Variants in CELSR1 observed in about 807,000 individuals in gnomAD.
CELSR1 encodes the protein adhesion G protein-coupled receptor C1.
Under a neutral mutation model 249.1 loss-of-function variants are expected in CELSR1, and 110 were observed. The observed-to-expected ratio is 0.44, with a 90% CI of 0.38 to 0.52. The LOEUF is 0.52. Among genes scored for constraint, CELSR1 ranks in the 20% least tolerant of loss-of-function variants. The pLI, the probability that CELSR1 is intolerant of heterozygous loss-of-function variation, is 0.00. For missense variants in CELSR1, 4,109 were observed against 4,296.4 expected (o/e 0.96, Z 1.22); for synonymous variants, 2,113 against 1,900.0 (o/e 1.11, Z -2.92).
intron 25 of CELSR1, among the ~76,000 whole-genome samples, chr22:46,372,072 A>C: frequency 1.6e-5 from 2 of 122,676 alleles, no homozygotes; most frequent in African/African-American, 3.2e-5. Flanking sequence ...CCCATCCACT[A>C]ATCCCATCCC....
intron 2 of CELSR1, among the ~76,000 whole-genome samples, chr22:46,460,969 C>G (rs762645164): frequency 6.6e-6 from 1 of 152,164 alleles, no homozygotes; most frequent in African/African-American, 2.4e-5. Flanking sequence ...TCTCCTGTCC[C>G]GCAACACAAG....
chr22:46,524,791 A>G (rs915648439), intron 1 of CELSR1, among the ~76,000 whole-genome samples: 4 of 152,130 alleles, frequency 2.6e-5, no homozygotes, highest in African/African-American at 7.2e-5. Flanking sequence ...TTTTCCTGAA[A>G]AATGCCCATC....
intron 24 of CELSR1, among the ~76,000 whole-genome samples, chr22:46,376,826 A>G (rs887604155): frequency 1.3e-5 from 2 of 151,774 alleles, no homozygotes; most frequent in African/African-American, 4.8e-5. Context: ...AAAGAAAGAA[A>G]GAAAGAAAGG....
rs1027267769 is a variant in CELSR1 at position 46,473,175 on chromosome 22, C to T, written c.3545-8830G>A. Among the ~76,000 whole-genome samples the T allele has an allele frequency of 1.3e-5, 2 of 152,088 alleles. No individual in the cohort carries two copies. The highest frequency in any genetic ancestry group is 2.9e-5 in the Non-Finnish European group (2 of 68,026). ...TGTCCGCAGAGGGGTGGACAGGACC[C>T]ACGCACCACGAGGAACCATCGCTGG... On this transcript the variant is annotated intron_variant, in intron 1 of 34. Coordinates refer to ENST00000674500, the MANE Select transcript of CELSR1 (RefSeq NM_001378328.1). This position sits in a 1 kb window ranked among gnomAD's most constrained non-coding sequence, Gnocchi z 6.6.
chr22:46,455,436 G>A (rs559503442), intron 2 of CELSR1, among the ~76,000 whole-genome samples: 44 of 152,206 alleles, frequency 2.9e-4, no homozygotes, highest in African/African-American at 1.0e-3. Flanking sequence ...CACCATGTTG[G>A]TCAGGCTAGT....
chr22:46,456,480 AC>A (rs1259646111), intron 2 of CELSR1, among the ~76,000 whole-genome samples: 52 of 151,930 alleles, frequency 3.4e-4, no homozygotes, highest in Non-Finnish European at 7.5e-4. Flanking sequence ...TAACAAGGTG[AC>A]ACCCCGTCTC....
Position 46,381,557 on chromosome 22 carries a change from C to A in CELSR1, c.7088+289G>T, listed in dbSNP as rs1602050306. On this transcript the variant is annotated intron_variant, in intron 21 of 34. Transcript: ENST00000674500. The surrounding 1 kb of genome is among the most constrained non-coding windows in gnomAD (Gnocchi z 6.0). ...GGTGTGTGGGGACAGAATGGGGTCC[C>A]TCTGGGCACAAGATGGGGTGTATGC... Among the ~76,000 whole-genome samples, 1 of 152,216 alleles carries A rather than the reference C, an allele frequency of 6.6e-6. No individual in the cohort carries two copies. The highest frequency in any genetic ancestry group is 1.9e-4 in the East Asian group (1 of 5,204).
chr22:46,412,041 C>A lies in CELSR1; in HGVS notation c.4612-282G>T, dbSNP rs887936253. Among the ~76,000 whole-genome samples, 1 of 152,120 alleles carries A rather than the reference C, an allele frequency of 6.6e-6. No homozygotes were observed. Among genetic ancestry groups the A allele is most frequent in the African/African-American group, 2.4e-5 (1 of 41,420 alleles). ...ATGCGGACGTCCTGGAGTAGGCGGG[C>A]CCTGATCCAAGATGACTGGTGTCCT... On this transcript the variant is annotated intron_variant, in intron 5 of 34. Transcript: ENST00000674500. The surrounding 1 kb of genome is among the most constrained non-coding windows in gnomAD (Gnocchi z 4.5).
chr22:46,384,362 T>C (rs1009881375), intron 20 of CELSR1, among the ~76,000 whole-genome samples, 181 bp downstream of exon 20: 24 of 152,240 alleles, frequency 1.6e-4, no homozygotes, highest in African/African-American at 5.3e-4. Context: ...ATGTTCAGCC[T>C]GTACCTGAGC....
rs2147690266 is a variant in CELSR1, at chr22:46,488,608, C to T, written c.3545-24263G>A. On this transcript the variant is annotated intron_variant, in intron 1 of 34. Transcript: ENST00000674500. The surrounding 1 kb of genome is among the most constrained non-coding windows in gnomAD (Gnocchi z 4.7). ...CCCCCCGCGCCACAGTGGAAAGTCC[C>T]CAGAAGCAGCAGTTTCTACGGCACA... Among the ~76,000 whole-genome samples the T allele has an allele frequency of 6.6e-6, 1 of 152,166 alleles. No individual in the cohort carries two copies. The highest frequency in any genetic ancestry group is 1.9e-4 in the East Asian group (1 of 5,172).
At chr22:46,432,186 G>T (rs576814134) in intron 5 of CELSR1, among the ~76,000 whole-genome samples, 6 of 152,326 alleles carry the variant, frequency 3.9e-5, no homozygotes, top group African/African-American at 1.4e-4. Context: ...GATATTCAAG[G>T]CAGATGGGAG....
At chr22:46,520,279 C>A (rs1320819752) in intron 1 of CELSR1, among the ~76,000 whole-genome samples, 1 of 152,050 alleles carries the variant, frequency 6.6e-6, no homozygotes, top group Non-Finnish European at 1.5e-5. Flanking sequence ...GGCCTCGAAC[C>A]CCAGGACAGG....
rs2078707198 is a variant in CELSR1, at chr22:46,361,782, G to A, written c.*1441C>T. The A allele has an allele frequency of 1.3e-5, 2 of 152,198 alleles. No individual in the cohort carries two copies. The highest frequency in any genetic ancestry group is 6.5e-5 in the Admixed American group (1 of 15,280). The allele number at this position is 152,198 out of a possible 1,614,324, so 9.4% of individuals were successfully genotyped here. On this transcript the variant is annotated 3_prime_UTR_variant, in exon 35 of 35. Transcript: ENST00000674500. ...TCCTATTTTATGGTTTCTCCTATTTGGAAGCAGCTGTGCTGATCACTTATT... is the reference window on the plus strand; with the variant it reads ...TCCTATTTTATGGTTTCTCCTATTTAGAAGCAGCTGTGCTGATCACTTATT...
chr22:46,424,665 T>A (rs1479214673), intron 5 of CELSR1, among the ~76,000 whole-genome samples: 1 of 152,180 alleles, frequency 6.6e-6, no homozygotes, highest in Non-Finnish European at 1.5e-5. Context: ...TCCATTGTTA[T>A]TCTGTCGTAT....
chr22:46,503,876 AT>A (rs5845752), intron 1 of CELSR1, among the ~76,000 whole-genome samples: 66,437 of 151,868 alleles, frequency 0.44, 15,808 homozygotes, highest in East Asian at 0.85. Context: ...AAACTAAAAA[AT>A]TTTAAAAGTA....
At position 46,423,212 on chromosome 22, in the gene CELSR1, G is replaced by A. The variant is rs1223057203; in HGVS notation, c.4611+10181C>T. On this transcript the variant is annotated intron_variant, in intron 5 of 34. Transcript: ENST00000674500. This position sits in a 1 kb window ranked among gnomAD's most constrained non-coding sequence, Gnocchi z 5.6. ...CCCCAGCTGCCATGGCTAACGGCCA[G>A]GTCATATGAGTGAGGCCTTCACACA... Among the ~76,000 whole-genome samples the A allele has an allele frequency of 1.3e-5, 2 of 152,270 alleles. No homozygotes were observed. The highest frequency in any genetic ancestry group is 4.8e-5 in the African/African-American group (2 of 41,482).
rs1286144040 is a variant in CELSR1 at position 46,395,029 on chromosome 22, C to A, written c.5844-767G>T. 6.6e-6 allele frequency among the ~76,000 whole-genome samples: 1 copy of A among 152,224 alleles called. No individual in the cohort carries two copies. Among genetic ancestry groups the A allele is most frequent in the Non-Finnish European group, 1.5e-5 (1 of 68,040 alleles). Reference sequence around the variant, plus strand: ...TGTCCTGCGGGCTCCTGCAATCCCCCCTGGCTAACCAAGTTCCCTCCACCC... The same window carrying A: ...TGTCCTGCGGGCTCCTGCAATCCCCACTGGCTAACCAAGTTCCCTCCACCC... On this transcript the variant is annotated intron_variant, in intron 13 of 34. Transcript: ENST00000674500. This position sits in a 1 kb window ranked among gnomAD's most constrained non-coding sequence, Gnocchi z 5.5.
At position 46,534,774 on chromosome 22, in the gene CELSR1, A is replaced by G. The variant is rs1479533471; in HGVS notation, c.2397T>C (p.Ser799=). 1 of 1,612,994 alleles carries G rather than the reference A, an allele frequency of 6.2e-7. No individual in the cohort carries two copies. Among genetic ancestry groups the G allele is most frequent in the Non-Finnish European group, 8.5e-7 (1 of 1,180,002 alleles). Residue 799 remains serine (S), a synonymous_variant, in exon 1 of 35, where the codon AGT becomes AGC. Transcript: ENST00000674500. This position sits in a 1 kb window ranked among gnomAD's most constrained non-coding sequence, Gnocchi z 9.7. ...FQSSHYTVSV[S]EDRPVGTSIA... is the part of the protein sequence containing the mutation. Reference sequence around the variant, plus strand: ...TGGAGGTGCCCACAGGCCTGTCCTCACTGACACTCACTGTGTAATGGGAGC... The same window carrying G: ...TGGAGGTGCCCACAGGCCTGTCCTCGCTGACACTCACTGTGTAATGGGAGC...
In CELSR1 at chr22:46,447,938, G is replaced by A. The variant is rs1406143012; in HGVS notation, c.4184-8527C>T. The stretch of plus-strand genomic sequence containing the variant: ...CCCGGCCAGAAAAGCATTCTTAACG[G>A]CAAAAGAAAAGCTCCCAGGAGCCAA... On this transcript the variant is annotated intron_variant, in intron 2 of 34. Transcript: ENST00000674500. The surrounding 1 kb of genome is among the most constrained non-coding windows in gnomAD (Gnocchi z 4.7). Among the ~76,000 whole-genome samples the A allele has an allele frequency of 6.6e-6, 1 of 152,172 alleles. No individual in the cohort carries two copies. The highest frequency in any genetic ancestry group is 1.5e-5 in the Non-Finnish European group (1 of 68,016).
Sources: allele counts gnomAD v4.1 joint callset (sites outside exome capture counted in the v4.1 genomes callset), GRCh38; gene constraint gnomAD v4.1.1; non-coding constraint Gnocchi (gnomAD v3.1); transcripts MANE v1.5; gene names NCBI Gene and HGNC (gene_info 2026-07-23, HGNC 2026-07-21).